Variants in TAF13 observed in about 807,000 individuals in gnomAD.
TAF13 encodes the protein TATA-box binding protein associated factor 13.
Under a neutral mutation model 18.7 loss-of-function variants are expected in TAF13, and 9 were observed. The ratio of observed to expected loss-of-function variants is 0.48; its 90% CI spans 0.29 to 0.84. The LOEUF (loss-of-function observed/expected upper bound fraction) is 0.84, where lower values mean the gene tolerates loss of function less well. TAF13 is among the 40% of genes least tolerant of loss of function. TAF13 has a pLI of 0.08. For synonymous variants in TAF13, 49 were observed against 44.1 expected (o/e 1.11, Z -0.44); for missense variants, 105 against 146.5 (o/e 0.72, Z 1.46).
chr1:109,075,993 C>T lies in TAF13; in HGVS notation c.-46G>A. The T allele has an allele frequency of 1.9e-6, 3 of 1,614,042 alleles. No individual in the cohort carries two copies. The highest frequency in any genetic ancestry group is 2.5e-6 in the Non-Finnish European group (3 of 1,179,960). On this transcript the variant is annotated 5_prime_UTR_variant, in exon 1 of 4. Transcript: ENST00000338366. ...CAGCGTCCTGCCGGCTGGCTCCCAG[C>T]TGGTTACACTACTTCCGCCGCCTCA...
At chr1:109,074,267 T>TA (rs1172925856) in intron 2 of TAF13, among the ~76,000 whole-genome samples, 4 of 152,230 alleles carry the variant, frequency 2.6e-5, no homozygotes, top group African/African-American at 9.6e-5. Flanking sequence ...TATTAATCTA[T>TA]AACCTTACCC....
intron 2 of TAF13, among the ~76,000 whole-genome samples, chr1:109,068,695 G>T (rs1386961573): frequency 6.6e-6 from 1 of 152,048 alleles, no homozygotes; most frequent in Non-Finnish European, 1.5e-5. Flanking sequence ...TCCCAGTCCA[G>T]AGACAAGCTT....
Position 109,075,927 on chromosome 1 carries a change from G to GTCT in TAF13, c.18_20dup (p.Glu6dup). 1 of 1,614,214 alleles carries GTCT rather than the reference G, an allele frequency of 6.2e-7. No individual in the cohort carries two copies. Among genetic ancestry groups the GTCT allele is most frequent in the Non-Finnish European group, 8.5e-7 (1 of 1,180,022 alleles). ...GACAGAGACGGTCACTCACCGTGGG[G>GTCT]TCTTCTTCCTCATCTGCCATCCCAC... On this transcript the variant is annotated inframe_insertion, in exon 1 of 4. Transcript: ENST00000338366.
chr1:109,069,481 A>G (rs1030832935), intron 2 of TAF13, among the ~76,000 whole-genome samples: 4 of 152,180 alleles, frequency 2.6e-5, no homozygotes, highest in African/African-American at 7.2e-5. Context: ...TACATATTCA[A>G]TAGAGGCACA....
chr1:109,065,628 A>G (rs1047408256), intron 3 of TAF13, among the ~76,000 whole-genome samples: 1 of 152,090 alleles, frequency 6.6e-6, no homozygotes, highest in Non-Finnish European at 1.5e-5. Context: ...ATGTCCTTAT[A>G]AAAAATGCAA....
chr1:109,074,311 C>T (rs1055928596), intron 2 of TAF13, among the ~76,000 whole-genome samples: 4 of 152,162 alleles, frequency 2.6e-5, no homozygotes, highest in African/African-American at 9.7e-5. Flanking sequence ...TGTGCTGTGT[C>T]CCCTCAGGGT....
At chr1:109,069,999 C>T (rs1664021715) in intron 2 of TAF13, among the ~76,000 whole-genome samples, 1 of 152,164 alleles carries the variant, frequency 6.6e-6, no homozygotes. Context: ...CTATATCCAG[C>T]TTCCCCTTAT....
intron 2 of TAF13, among the ~76,000 whole-genome samples, chr1:109,066,700 T>C (rs9697396): frequency 6.6e-6 from 1 of 152,066 alleles, no homozygotes; most frequent in Non-Finnish European, 1.5e-5. Context: ...GTTCTCCAAA[T>C]ACTTTTTTTG....
chr1:109,070,117 T>C (rs1299889961), intron 2 of TAF13, among the ~76,000 whole-genome samples: 3 of 152,210 alleles, frequency 2.0e-5, no homozygotes, highest in Non-Finnish European at 2.9e-5. Flanking sequence ...ATGTCCTTTT[T>C]CTGTTTCAGG....
At chr1:109,070,023 A>G (rs566166254) in intron 2 of TAF13, among the ~76,000 whole-genome samples, 3 of 152,316 alleles carry the variant, frequency 2.0e-5, no homozygotes, top group Non-Finnish European at 4.4e-5. Context: ...AACATGTTAT[A>G]CAACCATAGG....
chr1:109,069,577 T>C (rs918737972), intron 2 of TAF13, among the ~76,000 whole-genome samples: 1 of 152,104 alleles, frequency 6.6e-6, no homozygotes, highest in Non-Finnish European at 1.5e-5. Flanking sequence ...CTGTATAGCA[T>C]ACATAAAATT....
At chr1:109,071,940 C>A (rs1664061524) in intron 2 of TAF13, among the ~76,000 whole-genome samples, 1 of 143,998 alleles carries the variant, frequency 6.9e-6, no homozygotes, top group African/African-American at 2.6e-5. Flanking sequence ...AACAGTGAGA[C>A]TCTGTCTCAA....
At chr1:109,071,955 AAAATATATATATATATATATACACAC>A (rs1664062670) in intron 2 of TAF13, among the ~76,000 whole-genome samples, 1 of 18,314 alleles carries the variant, frequency 5.5e-5, no homozygotes, top group African/African-American at 1.2e-4. Context: ...TCTCAAAAAG[AAAATATATATATATATATATACACAC>A]ATATATATAT....
At chr1:109,066,702 C>CT (rs1001745808) in intron 2 of TAF13, among the ~76,000 whole-genome samples, 3 of 151,958 alleles carry the variant, frequency 2.0e-5, no homozygotes, top group Non-Finnish European at 4.4e-5. Context: ...TCTCCAAATA[C>CT]TTTTTTTGTT....
At chr1:109,072,145 T>C (rs71514053) in intron 2 of TAF13, among the ~76,000 whole-genome samples, 5 of 120,190 alleles carry the variant, frequency 4.2e-5, no homozygotes, top group Admixed American at 8.6e-5. Context: ...TATATATATA[T>C]ACTGACCCTG....
chr1:109,074,447 C>T lies in TAF13; in HGVS notation c.106+540G>A, dbSNP rs200617120. On this transcript the variant is annotated intron_variant, in intron 2 of 3. Transcript: ENST00000338366. ...AGGGACACAAAACACTGAGGAAGGC[C>T]GCAGGGTCCTCTGCCTAGGAAAACC... Among the ~76,000 whole-genome samples the T allele has an allele frequency of 9.9e-5, 15 of 152,204 alleles. No individual in the cohort carries two copies. In the South Asian group the frequency reaches 2.7e-3, roughly 27 times the overall value.
intron 2 of TAF13, among the ~76,000 whole-genome samples, chr1:109,066,573 C>T (rs1310102596): frequency 6.6e-6 from 1 of 152,208 alleles, no homozygotes; most frequent in African/African-American, 2.4e-5. Flanking sequence ...ACAGGACAGA[C>T]AGCAACAGCT....
At chr1:109,066,987 G>C (rs1663961636) in intron 2 of TAF13, among the ~76,000 whole-genome samples, 1 of 152,032 alleles carries the variant, frequency 6.6e-6, no homozygotes, top group African/African-American at 2.4e-5. Context: ...CCAAAGTGCT[G>C]GGATTACAGG....
At chr1:109,068,263 T>C (rs1018846723) in intron 2 of TAF13, among the ~76,000 whole-genome samples, 1 of 152,206 alleles carries the variant, frequency 6.6e-6, no homozygotes, top group Admixed American at 6.6e-5. Context: ...AGCCTCCAAG[T>C]AGCTGGGATT....
Sources: allele counts gnomAD v4.1 joint callset (sites outside exome capture counted in the v4.1 genomes callset), GRCh38; gene constraint gnomAD v4.1.1; transcripts MANE v1.5; gene names NCBI Gene and HGNC (gene_info 2026-07-23, HGNC 2026-07-21).